Variants in ALOXE3 observed in about 807,000 individuals in gnomAD.
ALOXE3 encodes the protein arachidonate epidermal lipoxygenase 3.
A neutral mutation model predicts 87.5 loss-of-function variants in ALOXE3; 78 were observed. The observed-to-expected ratio is 0.89, with a 90% CI of 0.74 to 1.08. The LOEUF (loss-of-function observed/expected upper bound fraction) is 1.08. Among genes scored for constraint, ALOXE3 ranks in the 50% least tolerant of loss-of-function variants. ALOXE3 has a pLI of 0.00. For synonymous variants in ALOXE3, 363 were observed against 370.8 expected (o/e 0.98, Z 0.24); for missense variants, 946 against 912.4 (o/e 1.04, Z -0.47).
chr17:8,115,938 G>A (rs375398441), intron 3 of ALOXE3, among the ~76,000 whole-genome samples: 2 of 152,314 alleles, frequency 1.3e-5, no homozygotes, highest in African/African-American at 4.8e-5. Flanking sequence ...ACTCCCTGAG[G>A]GCAGAAGTCG....
At chr17:8,104,002 G>T in intron 14 of ALOXE3, 113 bp downstream of exon 14, 1 of 901,348 alleles carries the variant, frequency 1.1e-6, no homozygotes, top group Non-Finnish European at 1.8e-6. Context: ...CCAACCCCAA[G>T]TCTAATCATA....
rs1021505787 is a variant in ALOXE3 at position 8,118,021 on chromosome 17, C to G, written c.-31G>C. ...GAAGGAGGAAGGGATGCCCCGGCAA[C>G]GCTGGCCGCAGCAGCAGCCGGCCTG... On this transcript the variant is annotated 5_prime_UTR_variant, in exon 2 of 16. Transcript: ENST00000448843. The G allele has an allele frequency of 1.1e-5, 17 of 1,606,146 alleles. No homozygotes were observed. Among genetic ancestry groups the G allele is most frequent in the Non-Finnish European group, 1.4e-5 (17 of 1,178,456 alleles).
chr17:8,099,739 GTTCCC>G (rs1469214819), intron 15 of ALOXE3, among the ~76,000 whole-genome samples: 1 of 151,114 alleles, frequency 6.6e-6, no homozygotes, highest in African/African-American at 2.4e-5. Flanking sequence ...GTGTATTTAT[GTTCCC>G]TTTCTTTCTC....
intron 15 of ALOXE3, among the ~76,000 whole-genome samples, chr17:8,101,976 C>G (rs989880219): frequency 2.6e-5 from 4 of 152,096 alleles, no homozygotes; most frequent in Non-Finnish European, 5.9e-5. Context: ...GGGAGTCAAG[C>G]GTGAGAAATA....
chr17:8,098,056 G>A (rs546407045), intron 15 of ALOXE3, among the ~76,000 whole-genome samples: 4 of 151,810 alleles, frequency 2.6e-5, no homozygotes, highest in Non-Finnish European at 5.9e-5. Flanking sequence ...CAATACTACT[G>A]ATCTTTAACA....
intron 10 of ALOXE3, 22 bp from the exon 11 acceptor site, chr17:8,110,024 T>A (rs1309426930): frequency 1.3e-6 from 2 of 1,566,226 alleles, no homozygotes; most frequent in Non-Finnish European, 1.7e-6. Flanking sequence ...GCGGATCACG[T>A]GAGCTGAAGG....
intron 3 of ALOXE3, 91 bp downstream of exon 3, chr17:8,116,685 T>C (rs1052893827): frequency 6.9e-6 from 10 of 1,455,512 alleles, no homozygotes; most frequent in African/African-American, 1.4e-5. Flanking sequence ...ACCTCAATCT[T>C]ATTCCCTATA....
intron 2 of ALOXE3, 60 bp from the exon 3 acceptor site, chr17:8,117,040 G>A: frequency 2.7e-6 from 4 of 1,506,358 alleles, no homozygotes; most frequent in Non-Finnish European, 2.7e-6. Context: ...CGGTCCTTGC[G>A]CCTTGCAAGA....
intron 11 of ALOXE3, 147 bp downstream of exon 11, chr17:8,109,769 C>T (rs2054351762): frequency 1.2e-6 from 1 of 819,878 alleles, no homozygotes; most frequent in Non-Finnish European, 1.9e-6. Context: ...GTGGGCGGGG[C>T]TGGTGGAAGA....
chr17:8,109,445 C>T (rs1476176112), intron 11 of ALOXE3, 102 bp from the exon 12 acceptor site: 9 of 1,490,228 alleles, frequency 6.0e-6, no homozygotes, highest in Admixed American at 1.9e-5. Context: ...GGGCCTTCTT[C>T]GGTTCACCAA....
At chr17:8,115,189 A>G in intron 4 of ALOXE3, 132 bp from the exon 5 acceptor site, 2 of 1,279,608 alleles carry the variant, frequency 1.6e-6, no homozygotes, top group Admixed American at 1.8e-5. Context: ...GGAATTGGAC[A>G]TTTCTCCATG....
intron 15 of ALOXE3, among the ~76,000 whole-genome samples, chr17:8,102,023 G>A (rs1283357586): frequency 1.3e-5 from 2 of 152,172 alleles, no homozygotes; most frequent in Non-Finnish European, 2.9e-5. Context: ...TGTGCAAGAC[G>A]GCTGGGTGGA....
rs1351515987 is a variant in ALOXE3, at chr17:8,107,961, GGAAGGA to G, written c.1684+501_1684+506del. The stretch of plus-strand genomic sequence containing the variant: ...AGAAAGAAAGAAAGAAAGAAAGAAA[GGAAGGA>G]GAGAGAGAGAGAGAGAAAGAAAGAA... On this transcript the variant is annotated intron_variant, in intron 13 of 15. Coordinates refer to ENST00000448843, the MANE Select transcript of ALOXE3 (RefSeq NM_021628.3). 1.0e-3 allele frequency among the ~76,000 whole-genome samples: 2 copies of G among 1,914 alleles called. 1 individual carries two copies. The highest frequency in any genetic ancestry group is 7.1e-3 in the African/African-American group (2 of 280). 1.3% of individuals were successfully genotyped at this position (1,914 alleles called of 152,430 possible).
chr17:8,110,750 T>G (rs1980004619), intron 8 of ALOXE3, among the ~76,000 whole-genome samples: 1 of 152,220 alleles, frequency 6.6e-6, no homozygotes, highest in Non-Finnish European at 1.5e-5. Context: ...GCTCGCCTGC[T>G]GAGACAAGCC....
intron 11 of ALOXE3, 91 bp downstream of exon 11, chr17:8,109,825 G>A (rs993339774): frequency 7.4e-7 from 1 of 1,352,804 alleles, no homozygotes; most frequent in Non-Finnish European, 1.0e-6. Context: ...GTCCTCACAA[G>A]GGGCTTGGGC....
intron 4 of ALOXE3, 107 bp downstream of exon 4, chr17:8,115,500 C>T: frequency 8.2e-7 from 1 of 1,220,492 alleles, no homozygotes; most frequent in Non-Finnish European, 1.2e-6. Flanking sequence ...AGTCCTGATC[C>T]AAGCTAGGCA....
chr17:8,112,715 C>G (rs1301393382), intron 6 of ALOXE3, among the ~76,000 whole-genome samples: 1 of 152,152 alleles, frequency 6.6e-6, no homozygotes. Context: ...GGGGCTGGCA[C>G]GTGGAGAGAT....
chr17:8,107,005 G>A (rs144341365), intron 13 of ALOXE3, among the ~76,000 whole-genome samples: 45 of 152,336 alleles, frequency 3.0e-4, no homozygotes, highest in East Asian at 2.5e-3. Context: ...AAGAGCTGTT[G>A]TCAATCTGAA....
intron 6 of ALOXE3, among the ~76,000 whole-genome samples, chr17:8,113,660 C>CA (rs1555648602): frequency 6.6e-6 from 1 of 151,232 alleles, no homozygotes; most frequent in African/African-American, 2.4e-5. Context: ...CTCAAAACAA[C>CA]AACAACAACA....
Sources: gnomAD v4.1 joint callset for allele counts (sites outside exome capture counted in the v4.1 genomes callset) on GRCh38, gnomAD v4.1.1 for gene constraint, MANE v1.5 for transcripts, NCBI Gene and HGNC (gene_info 2026-07-23, HGNC 2026-07-21) for gene names.